The following SLC8A1 variants were observed in gnomAD, a reference collection of about 807,000 sequenced individuals.
The protein encoded by SLC8A1 is sodium/calcium exchanger 1.
SLC8A1 carries 18 observed loss-of-function variants against 68.3 expected under a neutral mutation model. The ratio of observed to expected loss-of-function variants is 0.26; its 90% confidence interval spans 0.18 to 0.39. The LOEUF (loss-of-function observed/expected upper bound fraction) is 0.39, where lower values mean the gene tolerates loss of function less well. SLC8A1 is among the 10% of genes least tolerant of loss of function. SLC8A1 has a pLI of 1.00. For missense variants in SLC8A1, 985 were observed against 1,156.7 expected, an observed-to-expected ratio of 0.85 and a Z score of 2.15; for synonymous variants, 475 against 415.5, an observed-to-expected ratio of 1.14 and a Z score of -1.74.
At chr2:40,242,267 A>T (rs1037839177) in intron 2 of SLC8A1, among the ~76,000 whole-genome samples, 1 of 152,186 alleles carries the variant, frequency 6.6e-6, no homozygotes, top group African/African-American at 2.4e-5. Context: ...TGTTTAAGTA[A>T]AGCCTGTTTA....
intron 2 of SLC8A1, among the ~76,000 whole-genome samples, chr2:40,264,651 G>C (rs1196868816): frequency 6.6e-6 from 1 of 152,174 alleles, no homozygotes; most frequent in Non-Finnish European, 1.5e-5. Flanking sequence ...ATTGAACAAT[G>C]AGAACACACG....
intron 4 of SLC8A1, among the ~76,000 whole-genome samples, chr2:40,166,289 G>A (rs2046546534): frequency 6.6e-6 from 1 of 152,194 alleles, no homozygotes; most frequent in Admixed American, 6.5e-5. Flanking sequence ...AGGGCAGGGA[G>A]TGAATGAGCT....
chr2:40,394,709 G>C (rs1686380447), intron 2 of SLC8A1, among the ~76,000 whole-genome samples: 1 of 151,832 alleles, frequency 6.6e-6, no homozygotes, highest in South Asian at 2.1e-4. Flanking sequence ...TGTTGCCATA[G>C]TAATCACTGA....
At chr2:40,372,555 G>A (rs371757041) in intron 2 of SLC8A1, among the ~76,000 whole-genome samples, 3 of 152,228 alleles carry the variant, frequency 2.0e-5, no homozygotes, top group African/African-American at 7.2e-5. Context: ...ATGAAGGCAA[G>A]CAATATTAAC....
At chr2:40,207,175 T>C (rs770059409) in intron 2 of SLC8A1, among the ~76,000 whole-genome samples, 2 of 152,088 alleles carry the variant, frequency 1.3e-5, no homozygotes, top group Non-Finnish European at 2.9e-5. Context: ...TAATGGTATA[T>C]ACAATCAATG....
chr2:40,229,940 C>G (rs938782834), intron 2 of SLC8A1, among the ~76,000 whole-genome samples: 9 of 152,238 alleles, frequency 5.9e-5, no homozygotes, highest in Non-Finnish European at 1.3e-4. Flanking sequence ...TTGATGGAAT[C>G]ACATATCTTT....
chr2:40,122,203 C>T (rs78674984), intron 7 of SLC8A1, among the ~76,000 whole-genome samples: 103 of 95,988 alleles, frequency 1.1e-3, no homozygotes, highest in Admixed American at 5.6e-3. Flanking sequence ...TGCATGCGCG[C>T]GCGCACACAC....
At chr2:40,154,459 A>G (rs1357803684) in intron 6 of SLC8A1, among the ~76,000 whole-genome samples, 2 of 142,128 alleles carry the variant, frequency 1.4e-5, no homozygotes, top group East Asian at 4.1e-4. Context: ...ACCTGCCACC[A>G]TGCCCGGCTA....
In SLC8A1 at chr2:40,268,307, G is replaced by A. The variant is rs962768191; in HGVS notation, c.1809-90452C>T. On this transcript the variant is annotated intron_variant, in intron 2 of 7. Coordinates refer to ENST00000406785, the Ensembl canonical transcript of SLC8A1. ...CCATACTCACTAAAGTGAAATTCCT[G>A]AAAATGGCTCTAGGAATCTCCATTT... Among the ~76,000 whole-genome samples, 10 of 152,250 alleles carry A rather than the reference G, an allele frequency of 6.6e-5. No homozygotes were observed. In the East Asian group the frequency reaches 1.9e-3, roughly 29 times the overall value.
chr2:40,189,867 C>T (rs1438651447), intron 2 of SLC8A1: 1 of 152,126 alleles, frequency 6.6e-6, no homozygotes, highest in Admixed American at 6.6e-5. Context: ...GGGCCCCACT[C>T]TGGACTCTTA....
At chr2:40,439,254 G>T (rs1431389201) in intron 1 of SLC8A1, among the ~76,000 whole-genome samples, 1 of 152,088 alleles carries the variant, frequency 6.6e-6, no homozygotes, top group African/African-American at 2.4e-5. Flanking sequence ...AGGATTACTA[G>T]GTCACTACAT....
At chr2:40,180,568 G>C (rs570611206) in intron 2 of SLC8A1, among the ~76,000 whole-genome samples, 55 of 152,276 alleles carry the variant, frequency 3.6e-4, no homozygotes, top group African/African-American at 1.3e-3. Context: ...GACAATAATA[G>C]GGCCACGCTA....
At chr2:40,449,247 C>T (rs1702005680) in intron 1 of SLC8A1, among the ~76,000 whole-genome samples, 1 of 151,538 alleles carries the variant, frequency 6.6e-6, no homozygotes, top group South Asian at 2.1e-4. Flanking sequence ...CATCTATGAG[C>T]TAAATGAATG....
chr2:40,142,808 GTT>G (rs1027514121), intron 6 of SLC8A1, among the ~76,000 whole-genome samples: 4 of 152,122 alleles, frequency 2.6e-5, no homozygotes, highest in Non-Finnish European at 5.9e-5. Flanking sequence ...ATTTAAGATT[GTT>G]ACTGTGTTTC....
At chr2:40,288,656 T>C (rs1441030238) in intron 2 of SLC8A1, among the ~76,000 whole-genome samples, 6 of 151,942 alleles carry the variant, frequency 3.9e-5, no homozygotes, top group African/African-American at 1.2e-4. Context: ...CTAGAAATCA[T>C]CCGCATAGTA....
chr2:40,194,817 T>TG lies in SLC8A1; in HGVS notation c.1809-16963dup, dbSNP rs544347526. 3.5e-3 allele frequency among the ~76,000 whole-genome samples: 528 copies of TG among 152,052 alleles called. 1 individual carries two copies. Among genetic ancestry groups the TG allele is most frequent in the Non-Finnish European group, 5.2e-3 (352 of 67,958 alleles). On this transcript the variant is annotated intron_variant, in intron 2 of 7. Transcript: ENST00000406785. ...GAGACAGACTGGAAGAGGCCAAGAC[T>TG]GGAACTCAACCCGCCCACTGGAGTA...
At position 40,160,778 on chromosome 2, in the gene SLC8A1, G is replaced by A. The variant is rs754394802; in HGVS notation, c.2148C>T (p.Ile716=). The change falls in exon 6 of 8, where the codon ATC becomes ATT. Residue 716 remains isoleucine (I), a synonymous_variant. Transcript: ENST00000406785. Reference sequence around the variant, plus strand: ...AAAGGCACTCACCAGCACTGACAGTGATAGCTTCAATGAACTGTTCTCTCC... The same window carrying A: ...AAAGGCACTCACCAGCACTGACAGTAATAGCTTCAATGAACTGTTCTCTCC... The A allele has an allele frequency of 2.0e-5, 32 of 1,613,000 alleles. No individual in the cohort carries two copies. The Admixed American group carries it at 3.7e-4, about 18-fold the overall frequency.
chr2:40,457,215 T>G (rs1703073479), intron 1 of SLC8A1, among the ~76,000 whole-genome samples: 1 of 152,192 alleles, frequency 6.6e-6, no homozygotes, highest in Non-Finnish European at 1.5e-5. Flanking sequence ...CACAACACAC[T>G]TTCCTCAACA....
At chr2:40,162,826 G>T (rs926731374) in intron 5 of SLC8A1, among the ~76,000 whole-genome samples, 1 of 152,084 alleles carries the variant, frequency 6.6e-6, no homozygotes, top group Non-Finnish European at 1.5e-5. Flanking sequence ...AGTAAAACCA[G>T]GTCCTCAGTC....
Sources: gnomAD v4.1 joint callset for allele counts (sites outside exome capture counted in the v4.1 genomes callset) on GRCh38, gnomAD v4.1.1 for gene constraint, MANE v1.5 for transcripts, NCBI Gene and HGNC (gene_info 2026-07-23, HGNC 2026-07-21) for gene names.